The following PIP4K2A variants were observed in gnomAD, a reference collection of about 807,000 sequenced individuals.
PIP4K2A encodes phosphatidylinositol 5-phosphate 4-kinase type-2 alpha.
PIP4K2A carries 14 observed loss-of-function variants against 42.9 expected under a neutral mutation model. That is an observed-to-expected ratio of 0.33 (90% CI 0.22 to 0.51). The LOEUF (loss-of-function observed/expected upper bound fraction) is 0.51, where lower values mean the gene tolerates loss of function less well. PIP4K2A is among the 20% of genes least tolerant of loss of function. The probability of loss-of-function intolerance (pLI) is 0.97; values close to 1 mark genes in which losing one functional copy is unlikely to be tolerated. For synonymous variants in PIP4K2A, 192 were observed against 192.2 expected (o/e 1.00, Z 0.01); for missense variants, 434 against 519.8 (o/e 0.83, Z 1.61).
At chr10:22,680,955 T>G (rs1398990498) in intron 1 of PIP4K2A, among the ~76,000 whole-genome samples, 1 of 152,132 alleles carries the variant, frequency 6.6e-6, no homozygotes, top group Non-Finnish European at 1.5e-5. Flanking sequence ...CCTCACCTAT[T>G]CAGGCGAGAA....
At chr10:22,538,359 A>G (rs1222296637) in intron 9 of PIP4K2A, among the ~76,000 whole-genome samples, 1 of 151,632 alleles carries the variant, frequency 6.6e-6, no homozygotes, top group Admixed American at 6.6e-5. Context: ...CTAGGATAGG[A>G]GAGATGAACA....
chr10:22,544,051 T>G (rs927257448), intron 7 of PIP4K2A, among the ~76,000 whole-genome samples: 1 of 152,106 alleles, frequency 6.6e-6, no homozygotes, highest in Non-Finnish European at 1.5e-5. Context: ...GAGGCTGCCT[T>G]AAAGCAGCTT....
chr10:22,651,573 G>A (rs796257150), intron 1 of PIP4K2A, among the ~76,000 whole-genome samples: 6 of 152,242 alleles, frequency 3.9e-5, no homozygotes, highest in African/African-American at 1.2e-4. Context: ...AGACTTCCTA[G>A]GCGTCCACAC....
chr10:22,665,857 T>C (rs1288864028), intron 1 of PIP4K2A, among the ~76,000 whole-genome samples: 2 of 151,874 alleles, frequency 1.3e-5, no homozygotes, highest in African/African-American at 2.4e-5. Context: ...TACATATATA[T>C]ACATATATAT....
chr10:22,664,045 ATACATATG>A lies in PIP4K2A; in HGVS notation c.144+50130_144+50137del, dbSNP rs1270941803. Among the ~76,000 whole-genome samples, 160 of 107,652 alleles carry A rather than the reference ATACATATG, an allele frequency of 1.5e-3. 12 individuals carry two copies. Among genetic ancestry groups the A allele is most frequent in the African/African-American group, 9.1e-3 (155 of 16,970 alleles). 70.6% of individuals were successfully genotyped at this position (107,652 alleles called of 152,430 possible). ...TCCATATATATACATATATATATATATACATATGTATATATACATATATATATATACGT... is the reference window on the plus strand; with the variant it reads ...TCCATATATATACATATATATATATATATATATACATATATATATATACGT... On this transcript the variant is annotated intron_variant, in intron 1 of 9. Coordinates refer to ENST00000376573, the MANE Select transcript of PIP4K2A (RefSeq NM_005028.5).
intron 1 of PIP4K2A, among the ~76,000 whole-genome samples, chr10:22,664,973 T>C (rs1436144280): frequency 6.6e-6 from 1 of 151,134 alleles, no homozygotes; most frequent in Non-Finnish European, 1.5e-5. Context: ...TTGAAAAAAA[T>C]TCAAATAGAG....
At chr10:22,567,994 C>A in intron 5 of PIP4K2A, 105 bp from the exon 6 acceptor site, 1 of 1,006,550 alleles carries the variant, frequency 9.9e-7, no homozygotes, top group South Asian at 1.3e-5. Flanking sequence ...CAGCTCAGCA[C>A]CCACTCTGCT....
At chr10:22,631,883 G>C (rs1838556969) in intron 1 of PIP4K2A, among the ~76,000 whole-genome samples, 2 of 152,198 alleles carry the variant, frequency 1.3e-5, no homozygotes, top group African/African-American at 2.4e-5. Flanking sequence ...TAACAGTGGA[G>C]AGAGCTGACA....
chr10:22,699,561 C>T (rs887115194), intron 1 of PIP4K2A, among the ~76,000 whole-genome samples: 7 of 151,666 alleles, frequency 4.6e-5, no homozygotes, highest in East Asian at 1.9e-4. Context: ...CTCAAAGGGC[C>T]GACAAATAAA....
chr10:22,701,229 T>C (rs1033252106), intron 1 of PIP4K2A, among the ~76,000 whole-genome samples: 1 of 152,102 alleles, frequency 6.6e-6, no homozygotes, highest in Non-Finnish European at 1.5e-5. Flanking sequence ...CAAATAACAA[T>C]AATGTAATGG....
intron 3 of PIP4K2A, among the ~76,000 whole-genome samples, chr10:22,602,935 T>TCA (rs1837823040): frequency 6.6e-6 from 1 of 152,124 alleles, no homozygotes; most frequent in African/African-American, 2.4e-5. Flanking sequence ...GCTCCTGCCC[T>TCA]CAGGCAGTTT....
At chr10:22,554,664 C>A (rs564248326) in intron 6 of PIP4K2A, among the ~76,000 whole-genome samples, 1 of 152,182 alleles carries the variant, frequency 6.6e-6, no homozygotes, top group Non-Finnish European at 1.5e-5. Context: ...GGCGGCGGGC[C>A]GAGTCTTTAT....
intron 1 of PIP4K2A, among the ~76,000 whole-genome samples, chr10:22,633,810 C>G (rs1343306111): frequency 3.9e-5 from 6 of 152,170 alleles, no homozygotes; most frequent in Non-Finnish European, 8.8e-5. Flanking sequence ...ATGGAGGCAA[C>G]TGGGCATAAG....
chr10:22,644,706 C>T (rs568698111), intron 1 of PIP4K2A, among the ~76,000 whole-genome samples: 9 of 152,308 alleles, frequency 5.9e-5, no homozygotes, highest in Non-Finnish European at 1.0e-4. Context: ...ATTTTCTCTC[C>T]GCCTCCTAGA....
At chr10:22,685,669 T>C (rs1839750542) in intron 1 of PIP4K2A, among the ~76,000 whole-genome samples, 1 of 152,078 alleles carries the variant, frequency 6.6e-6, no homozygotes, top group African/African-American at 2.4e-5. Context: ...TGTGGTAAGC[T>C]ATGATCCCAC....
intron 1 of PIP4K2A, among the ~76,000 whole-genome samples, chr10:22,672,081 T>A (rs894561465): frequency 2.0e-5 from 3 of 152,212 alleles, no homozygotes; most frequent in African/African-American, 7.2e-5. Flanking sequence ...AAGCACTGGT[T>A]CTTCCTCCAA....
At chr10:22,657,451 C>T (rs538060882) in intron 1 of PIP4K2A, among the ~76,000 whole-genome samples, 1 of 152,312 alleles carries the variant, frequency 6.6e-6, no homozygotes, top group Admixed American at 6.5e-5. Flanking sequence ...TTATTTTTGA[C>T]TGTTGTGGGT....
chr10:22,612,396 C>T (rs1838068208), intron 1 of PIP4K2A, among the ~76,000 whole-genome samples: 1 of 152,062 alleles, frequency 6.6e-6, no homozygotes, highest in African/African-American at 2.4e-5. Flanking sequence ...AGCAATGGCT[C>T]GTGGAGAAAG....
chr10:22,554,900 T>G (rs1437534065), intron 6 of PIP4K2A, among the ~76,000 whole-genome samples: 6 of 152,186 alleles, frequency 3.9e-5, no homozygotes, highest in Admixed American at 6.5e-5. Flanking sequence ...TGAGGCCCCG[T>G]GAGTAAATAC....
Sources: gnomAD v4.1 joint callset for allele counts (sites outside exome capture counted in the v4.1 genomes callset) on GRCh38, gnomAD v4.1.1 for gene constraint, MANE v1.5 for transcripts, NCBI Gene and HGNC (gene_info 2026-07-23, HGNC 2026-07-21) for gene names.